Variants in SP140 observed in about 807,000 individuals in gnomAD.
SP140 encodes nuclear body protein SP140.
In SP140, 81 loss-of-function variants were observed where a neutral mutation model predicts 125.0. The ratio of observed to expected loss-of-function variants is 0.65; its 90% CI spans 0.54 to 0.78. SP140 has a LOEUF of 0.78. Among genes scored for constraint, SP140 ranks in the 30% least tolerant of loss-of-function variants. SP140 has a pLI of 0.00. For missense variants in SP140, 858 were observed against 1,037.0 expected, an observed-to-expected ratio of 0.83 and a Z score of 2.37; for synonymous variants, 312 against 354.0, an observed-to-expected ratio of 0.88 and a Z score of 1.33.
chr2:230,300,628 T>C (rs1159210440), intron 22 of SP140, among the ~76,000 whole-genome samples: 2 of 152,216 alleles, frequency 1.3e-5, no homozygotes, highest in Admixed American at 1.3e-4. Context: ...GGGATCACCC[T>C]GTGGAACAAG....
chr2:230,201,929 T>C (rs953917487), upstream of SP140, among the ~76,000 whole-genome samples: 3 of 152,240 alleles, frequency 2.0e-5, no homozygotes, highest in Non-Finnish European at 4.4e-5. Flanking sequence ...CAAAAGACTG[T>C]TAAATTACCT....
chr2:230,262,707 T>C (rs1451627536), intron 12 of SP140, among the ~76,000 whole-genome samples: 1 of 149,052 alleles, frequency 6.7e-6, no homozygotes, highest in African/African-American at 2.6e-5. Context: ...CTTGATTTCG[T>C]TTTTGACCCA....
At chr2:230,215,224 A>T in intron 3 of SP140, 1 of 892,622 alleles carries the variant, frequency 1.1e-6, no homozygotes, top group Non-Finnish European at 1.8e-6. Flanking sequence ...CTCTTTTAAG[A>T]AGAAATTCAA....
At chr2:230,297,344 C>T (rs1286262607) in intron 21 of SP140, 77 bp from the exon 22 acceptor site, 41 of 1,501,584 alleles carry the variant, frequency 2.7e-5, no homozygotes, top group Non-Finnish European at 3.7e-5. Flanking sequence ...TCAAAGAATA[C>T]TATTTAAATT....
chr2:230,216,897 C>G (rs1308142683), intron 3 of SP140: 1 of 1,613,920 alleles, frequency 6.2e-7, no homozygotes, highest in Non-Finnish European at 8.5e-7. Context: ...TGAAAAAGAG[C>G]CTCTTCCATG....
intron 12 of SP140, among the ~76,000 whole-genome samples, chr2:230,267,047 G>A (rs1016238702): frequency 1.1e-4 from 17 of 152,170 alleles, no homozygotes; most frequent in Admixed American, 2.0e-4. Context: ...TCTGCCTATC[G>A]TCAAGGAAAT....
intron 1 of SP140, among the ~76,000 whole-genome samples, chr2:230,231,930 C>G (rs2047312011): frequency 6.6e-6 from 1 of 152,036 alleles, no homozygotes; most frequent in African/African-American, 2.4e-5. Flanking sequence ...AGGCTGGTCT[C>G]AAACTCCTGG....
At chr2:230,308,535 G>C (rs2059030483) in intron 22 of SP140, among the ~76,000 whole-genome samples, 1 of 152,232 alleles carries the variant, frequency 6.6e-6, no homozygotes, top group Non-Finnish European at 1.5e-5. Flanking sequence ...CATTTACTCG[G>C]TAGCCCGGTG....
chr2:230,226,991 C>G (rs6738039), intron 1 of SP140, among the ~76,000 whole-genome samples: 16 of 151,898 alleles, frequency 1.1e-4, no homozygotes, highest in African/African-American at 3.6e-4. Context: ...TTAAAATATA[C>G]AGGAGGATGT....
Position 230,217,245 on chromosome 2 carries a change from C to CAAAAA in SP140, c.-91+3187_-91+3191dup, listed in dbSNP as rs6147220. Among the ~76,000 whole-genome samples the CAAAAA allele has an allele frequency of 9.2e-3, 727 of 79,302 alleles. 29 individuals carry two copies. Among genetic ancestry groups the CAAAAA allele is most frequent in the Middle Eastern group, 0.02 (3 of 152 alleles). 52.0% of individuals were successfully genotyped at this position (79,302 alleles called of 152,430 possible). A position where few individuals can be genotyped will look rare whatever the true frequency, so the allele number is the denominator to read the frequency against. Reference sequence around the variant, plus strand: ...TGGGTGACAGAGTGAGACTCCATCTCAAAAAAAAAAAAAAAAAAAATAGAA... The same window carrying CAAAAA: ...TGGGTGACAGAGTGAGACTCCATCTCAAAAAAAAAAAAAAAAAAAAAAAAATAGAA... On this transcript the variant is annotated intron_variant, in intron 3 of 4. Transcript: ENST00000456542.
chr2:230,196,362 T>TA, the SP140 span, among the ~76,000 whole-genome samples: 2 of 152,002 alleles, frequency 1.3e-5, no homozygotes, highest in South Asian at 2.1e-4. Context: ...GCCATGCAGT[T>TA]AAAAAAATAG....
At chr2:230,316,167 G>T (rs1267918468), downstream of SP140, among the ~76,000 whole-genome samples, 3 of 152,208 alleles carry the variant, frequency 2.0e-5, no homozygotes. Flanking sequence ...CCTGATAAGT[G>T]AGAAATATAG....
At chr2:230,226,667 C>T (rs2046419585) in intron 1 of SP140, among the ~76,000 whole-genome samples, 1 of 148,224 alleles carries the variant, frequency 6.7e-6, no homozygotes, top group South Asian at 2.1e-4. Context: ...GAGGCTGAGG[C>T]AGGATAATCG....
intron 15 of SP140, among the ~76,000 whole-genome samples, chr2:230,273,295 T>A (rs796415509): frequency 5.3e-5 from 8 of 152,138 alleles, no homozygotes; most frequent in African/African-American, 1.9e-4. Flanking sequence ...TATCAACAGA[T>A]AACTTTTCAA....
intron 15 of SP140, among the ~76,000 whole-genome samples, chr2:230,283,647 C>T: frequency 6.6e-6 from 1 of 152,180 alleles, no homozygotes; most frequent in East Asian, 1.9e-4. Context: ...GCCTACTGCC[C>T]TCCCATAGTG....
chr2:230,303,687 G>A (rs1006803885), intron 22 of SP140, among the ~76,000 whole-genome samples: 4 of 152,116 alleles, frequency 2.6e-5, no homozygotes, highest in African/African-American at 9.7e-5. Flanking sequence ...GACAGCAAAA[G>A]CATTTGACAA....
upstream of SP140, among the ~76,000 whole-genome samples, chr2:230,198,989 A>G (rs2043002947): frequency 6.6e-6 from 1 of 151,926 alleles, no homozygotes; most frequent in Non-Finnish European, 1.5e-5. Flanking sequence ...TGCTGGCTGG[A>G]CCTCAATAAA....
the SP140 span, among the ~76,000 whole-genome samples, chr2:230,187,055 T>C: frequency 6.6e-6 from 1 of 152,162 alleles, no homozygotes; most frequent in South Asian, 2.1e-4. Flanking sequence ...AGATCTACTT[T>C]TAGTTATTTA....
the SP140 span, among the ~76,000 whole-genome samples, chr2:230,190,736 A>C: frequency 3.1e-3 from 465 of 152,262 alleles, 4 homozygotes; most frequent in African/African-American, 0.01. Context: ...TTTTTGTATA[A>C]GATGTGAGGA....
Sources: gnomAD v4.1 joint callset for allele counts (sites outside exome capture counted in the v4.1 genomes callset) on GRCh38, gnomAD v4.1.1 for gene constraint, MANE v1.5 for transcripts, NCBI Gene and HGNC (gene_info 2026-07-23, HGNC 2026-07-21) for gene names.